The following BMP2K variants were observed in gnomAD, a reference collection of about 807,000 sequenced individuals.
BMP2K encodes the protein BMP2 inducible kinase.
A neutral mutation model predicts 116.0 loss-of-function variants in BMP2K; 74 were observed. The ratio of observed to expected loss-of-function variants is 0.64; its 90% confidence interval spans 0.53 to 0.77. The LOEUF is 0.77. Ranked by LOEUF, BMP2K falls within the 30% of genes least tolerant of loss-of-function variation. The pLI, the probability that BMP2K is intolerant of heterozygous loss-of-function variation, is 0.00. For missense variants in BMP2K, 1,365 were observed against 1,403.6 expected (o/e 0.97, Z 0.44); for synonymous variants, 486 against 502.5 (o/e 0.97, Z 0.44).
chr4:78,877,199 A>G (rs1438608637), intron 13 of BMP2K, among the ~76,000 whole-genome samples: 2 of 152,104 alleles, frequency 1.3e-5, no homozygotes, highest in Admixed American at 6.6e-5. Context: ...TAAACACTGC[A>G]TTCTTAGAAC....
chr4:78,895,794 C>CT (rs1243085797), intron 15 of BMP2K, among the ~76,000 whole-genome samples: 1 of 151,940 alleles, frequency 6.6e-6, no homozygotes, highest in Non-Finnish European at 1.5e-5. Context: ...CAGCATTTTG[C>CT]TTTTTTGCCC....
intron 13 of BMP2K, among the ~76,000 whole-genome samples, chr4:78,876,178 C>A (rs7681426): frequency 0.17 from 26,193 of 151,812 alleles, 4,609 homozygotes; most frequent in African/African-American, 0.45. Context: ...ATAGGGAATC[C>A]GAAAGTTCTA....
chr4:78,883,785 A>T (rs923072646), intron 14 of BMP2K, among the ~76,000 whole-genome samples: 2 of 152,134 alleles, frequency 1.3e-5, no homozygotes, highest in Admixed American at 6.6e-5. Flanking sequence ...GGAGAGGGTC[A>T]GGTGTGGTGG....
At chr4:78,796,933 C>G (rs1014867450) in intron 1 of BMP2K, among the ~76,000 whole-genome samples, 2 of 152,144 alleles carry the variant, frequency 1.3e-5, no homozygotes, top group African/African-American at 4.8e-5. Flanking sequence ...GATGTTGTGA[C>G]TGGGAATAAA....
intron 1 of BMP2K, among the ~76,000 whole-genome samples, chr4:78,812,071 T>G (rs1422984677): frequency 2.6e-4 from 39 of 152,178 alleles, no homozygotes; most frequent in Admixed American, 2.6e-3. Context: ...TCTCCCAGGT[T>G]CAAGTGATTC....
At chr4:78,887,419 C>T (rs1733155772) in intron 15 of BMP2K, 135 bp downstream of exon 15, 5 of 678,620 alleles carry the variant, frequency 7.4e-6, no homozygotes, top group Admixed American at 2.8e-5. Flanking sequence ...CTTTAGCCAT[C>T]CTACTCTTCT....
At chr4:78,859,809 G>GA in intron 8 of BMP2K, 122 bp downstream of exon 8, 1 of 666,632 alleles carries the variant, frequency 1.5e-6, no homozygotes, top group Non-Finnish European at 2.5e-6. Context: ...CTTGTTTCAT[G>GA]ACAAGTGATC....
intron 10 of BMP2K, among the ~76,000 whole-genome samples, chr4:78,867,366 C>G (rs1438692696): frequency 2.0e-5 from 3 of 151,960 alleles, no homozygotes; most frequent in African/African-American, 7.3e-5. Flanking sequence ...TTATTTTGAT[C>G]CATCAAAGTC....
intron 9 of BMP2K, among the ~76,000 whole-genome samples, chr4:78,863,935 A>C (rs1731920503): frequency 6.6e-6 from 1 of 152,168 alleles, no homozygotes; most frequent in South Asian, 2.1e-4. Flanking sequence ...CTAGCTTGGC[A>C]CTGATGATTT....
In BMP2K at chr4:78,911,834, A is replaced by G. The variant is rs1457503433; in HGVS notation, c.3287A>G (p.Asn1096Ser). The change falls in exon 16 of 16, where the codon AAT becomes AGT. Residue 1096 changes from asparagine to serine, a missense_variant. Around this residue, in one of 3 missense-constraint regions of BMP2K, gnomAD observed 596 missense variants for 623.2 expected, o/e 0.96. Coordinates refer to ENST00000502613, the MANE Select transcript of BMP2K (RefSeq NM_198892.2). The part of the protein sequence containing the change: ...QGLSDIRADH[N>S]TVLPGRPRQN... ...CTGAGCGACATCCGTGCTGATCACA[A>G]TACTGTCCTGCCAGGGCGGCCAAGA... is the stretch of plus-strand genomic sequence containing the variant. The G allele has an allele frequency of 1.2e-6, 2 of 1,613,974 alleles. No homozygotes were observed. Among genetic ancestry groups the G allele is most frequent in the Middle Eastern group, 1.6e-4 (1 of 6,062 alleles).
intron 1 of BMP2K, among the ~76,000 whole-genome samples, chr4:78,785,563 T>G (rs901467560): frequency 6.6e-6 from 1 of 152,238 alleles, no homozygotes; most frequent in African/African-American, 2.4e-5. Flanking sequence ...AATTGCTTAT[T>G]TTACTATCTT....
At position 78,911,367 on chromosome 4, in the gene BMP2K, C is replaced by G; in HGVS notation, c.2820C>G (p.Phe940Leu). Residue 940 changes from phenylalanine (F) to leucine (L), a missense_variant, in exon 16 of 16, where the codon TTC becomes TTG. By Grantham distance (22) the Phe-to-Leu change is conservative (BLOSUM62 0). Coordinates refer to ENST00000502613, the MANE Select transcript of BMP2K (RefSeq NM_198892.2). Reference protein sequence around the residue: ...DVFGSTPFQPFLTSTSKSESN... With the variant: ...DVFGSTPFQPLLTSTSKSESN... ...TTGGCTCCACTCCATTTCAGCCCTT[C>G]CTCACATCAACAAGTAAAAGTGAAA... The G allele has an allele frequency of 6.2e-7, 1 of 1,614,000 alleles. No homozygotes were observed. Among genetic ancestry groups the G allele is most frequent in the Non-Finnish European group, 8.5e-7 (1 of 1,179,878 alleles).
In BMP2K at chr4:78,827,148, C is replaced by T. The variant is rs116763767; in HGVS notation, c.297+993C>T. Among the ~76,000 whole-genome samples the T allele has an allele frequency of 1.5e-3, 235 of 152,266 alleles. 2 individuals are homozygous for T. Among genetic ancestry groups the T allele is most frequent in the African/African-American group, 5.5e-3 (227 of 41,538 alleles). On this transcript the variant is annotated intron_variant, in intron 2 of 15. Coordinates refer to ENST00000502613, the MANE Select transcript of BMP2K (RefSeq NM_198892.2). Reference sequence around the variant, plus strand: ...ACTCTGTGGAGAACCTTTCTCTGCCCCATTGTTGAACATTATGGACTGTAC... The same window carrying T: ...ACTCTGTGGAGAACCTTTCTCTGCCTCATTGTTGAACATTATGGACTGTAC...
intron 1 of BMP2K, among the ~76,000 whole-genome samples, chr4:78,799,916 T>C (rs1233427531): frequency 6.6e-6 from 1 of 152,124 alleles, no homozygotes; most frequent in Non-Finnish European, 1.5e-5. Context: ...TGGTTTTTCA[T>C]TAGTAGGATA....
At chr4:78,860,287 A>G (rs1731710881) in intron 8 of BMP2K, among the ~76,000 whole-genome samples, 1 of 151,868 alleles carries the variant, frequency 6.6e-6, no homozygotes, top group Non-Finnish European at 1.5e-5. Flanking sequence ...ACCATTATGC[A>G]GTATATCCTT....
chr4:78,862,352 CAG>C (rs952003577), intron 9 of BMP2K, among the ~76,000 whole-genome samples: 2 of 151,922 alleles, frequency 1.3e-5, no homozygotes, highest in African/African-American at 4.8e-5. Flanking sequence ...AGACTGGGAA[CAG>C]AGAAAACAGG....
chr4:78,884,339 AAAAC>A (rs1357167686), intron 14 of BMP2K, among the ~76,000 whole-genome samples: 2 of 152,088 alleles, frequency 1.3e-5, no homozygotes, highest in East Asian at 1.9e-4. Flanking sequence ...AACATAAAAT[AAAAC>A]AAACAAAAAA....
chr4:78,854,336 T>A (rs774776454), intron 7 of BMP2K, among the ~76,000 whole-genome samples: 1 of 151,848 alleles, frequency 6.6e-6, no homozygotes, highest in Non-Finnish European at 1.5e-5. Flanking sequence ...AGCAATGGTG[T>A]GATCTTGGCT....
In BMP2K at chr4:78,909,927, C is replaced by T. The variant is rs114678465; in HGVS notation, c.2063-683C>T. On this transcript the variant is annotated intron_variant, in intron 15 of 15. Coordinates refer to ENST00000502613, the MANE Select transcript of BMP2K (RefSeq NM_198892.2). ...GACTGAATGGATTCTGAGCTAAAAA[C>T]ATCTCCAGATGGTTTAGATTTGTTT... is the stretch of plus-strand genomic sequence containing the variant. Among the ~76,000 whole-genome samples, 415 of 152,066 alleles carry T rather than the reference C, an allele frequency of 2.7e-3. 3 individuals are homozygous for T. Among genetic ancestry groups the T allele is most frequent in the African/African-American group, 9.5e-3 (393 of 41,446 alleles).
Sources: allele counts gnomAD v4.1 joint callset (sites outside exome capture counted in the v4.1 genomes callset), GRCh38; gene constraint gnomAD v4.1.1; regional missense constraint gnomAD v4.1.1; transcripts MANE v1.5; gene names NCBI Gene and HGNC (gene_info 2026-07-23, HGNC 2026-07-21).